Variants in CLSTN2 observed in about 807,000 individuals in gnomAD.
CLSTN2 encodes the protein calsyntenin-2.
A neutral mutation model predicts 101.2 loss-of-function variants in CLSTN2; 48 were observed. That is an observed-to-expected ratio of 0.47 (90% CI 0.38 to 0.60). The LOEUF (loss-of-function observed/expected upper bound fraction) is 0.60, where lower values mean the gene tolerates loss of function less well. Among genes scored for constraint, CLSTN2 ranks in the 20% least tolerant of loss-of-function variants. CLSTN2 has a pLI of 0.00. For synonymous variants in CLSTN2, 481 were observed against 463.6 expected (o/e 1.04, Z -0.48); for missense variants, 1,160 against 1,238.2 (o/e 0.94, Z 0.95).
intron 2 of CLSTN2, among the ~76,000 whole-genome samples, chr3:140,272,709 G>A (rs2086754472): frequency 6.6e-6 from 1 of 152,162 alleles, no homozygotes; most frequent in Non-Finnish European, 1.5e-5. Context: ...CCGAGTTTGT[G>A]CCACTGCTCT....
intron 1 of CLSTN2, among the ~76,000 whole-genome samples, chr3:140,095,259 C>T (rs894036634): frequency 2.0e-5 from 3 of 151,666 alleles, no homozygotes; most frequent in African/African-American, 7.3e-5. Context: ...TAACTCATAA[C>T]ATTGACTTTT....
At chr3:140,031,409 G>T (rs865971329) in intron 1 of CLSTN2, among the ~76,000 whole-genome samples, 17 of 152,184 alleles carry the variant, frequency 1.1e-4, no homozygotes, top group South Asian at 2.1e-4. Context: ...AGTGTCCCAG[G>T]GAGGCATCCT....
intron 12 of CLSTN2, among the ~76,000 whole-genome samples, chr3:140,561,437 A>G (rs1479610638): frequency 6.6e-6 from 1 of 152,228 alleles, no homozygotes; most frequent in East Asian, 1.9e-4. Flanking sequence ...GAGTCATACA[A>G]TTAGGCAAGG....
rs543993528 is a variant in CLSTN2, at chr3:140,562,537, C to T, written c.2212+229C>T. Among the ~76,000 whole-genome samples, 4 of 152,276 alleles carry T rather than the reference C, an allele frequency of 2.6e-5. No individual in the cohort carries two copies. The South Asian group carries it at 8.3e-4, about 32-fold the overall frequency. On this transcript the variant is annotated intron_variant, in intron 13 of 16. Transcript: ENST00000458420. ...CTCCTGGGGAGTTCTTTTGTAGAAGCTAGGTGGATGCCTTCTCTTACAATG... is the reference window on the plus strand; with the variant it reads ...CTCCTGGGGAGTTCTTTTGTAGAAGTTAGGTGGATGCCTTCTCTTACAATG...
intron 1 of CLSTN2, among the ~76,000 whole-genome samples, chr3:140,083,794 C>T (rs1254805572): frequency 1.3e-5 from 2 of 152,186 alleles, no homozygotes; most frequent in Non-Finnish European, 2.9e-5. Context: ...GCCCATGGGA[C>T]ATCTGTGGGC....
At chr3:140,236,262 A>C (rs2086415820) in intron 2 of CLSTN2, among the ~76,000 whole-genome samples, 2 of 152,096 alleles carry the variant, frequency 1.3e-5, no homozygotes, top group African/African-American at 4.8e-5. Flanking sequence ...CCTAAGAGTT[A>C]ATTTCTATTT....
intron 2 of CLSTN2, among the ~76,000 whole-genome samples, chr3:140,388,454 T>A (rs1035222421): frequency 2.6e-5 from 4 of 152,244 alleles, no homozygotes; most frequent in Non-Finnish European, 5.9e-5. Context: ...TATTTTTGCA[T>A]CTGAGCCTGT....
intron 1 of CLSTN2, among the ~76,000 whole-genome samples, chr3:140,114,662 A>G (rs1052884086): frequency 1.3e-5 from 2 of 152,174 alleles, no homozygotes; most frequent in Admixed American, 6.5e-5. Flanking sequence ...ATCCAGATAT[A>G]TTGGCTACTA....
At chr3:140,149,321 CA>C (rs1167053276) in intron 1 of CLSTN2, among the ~76,000 whole-genome samples, 2 of 152,194 alleles carry the variant, frequency 1.3e-5, no homozygotes, top group Admixed American at 1.3e-4. Flanking sequence ...TGTCAGATAA[CA>C]GGCTGGAACC....
intron 1 of CLSTN2, among the ~76,000 whole-genome samples, chr3:139,999,097 G>C (rs2006760844): frequency 6.6e-6 from 1 of 152,154 alleles, no homozygotes; most frequent in Non-Finnish European, 1.5e-5. Context: ...CCTTTGGAGA[G>C]GGGCTGCCTT....
intron 8 of CLSTN2, among the ~76,000 whole-genome samples, chr3:140,484,995 G>A (rs1934206595): frequency 6.6e-6 from 1 of 152,136 alleles, no homozygotes; most frequent in Admixed American, 6.5e-5. Flanking sequence ...TTGTTCCATT[G>A]CTGGTGAGGA....
At chr3:140,270,495 A>C (rs1452344363) in intron 2 of CLSTN2, among the ~76,000 whole-genome samples, 1 of 152,158 alleles carries the variant, frequency 6.6e-6, no homozygotes, top group Non-Finnish European at 1.5e-5. Flanking sequence ...AGCCTGAAAC[A>C]AGCTAAGAAT....
At chr3:140,080,385 A>C (rs561482434) in intron 1 of CLSTN2, among the ~76,000 whole-genome samples, 2 of 152,320 alleles carry the variant, frequency 1.3e-5, no homozygotes, top group South Asian at 4.1e-4. Context: ...GACTGGACGT[A>C]GTAGGTGCCT....
chr3:140,545,372 T>C (rs1385923014), intron 9 of CLSTN2, among the ~76,000 whole-genome samples: 1 of 151,850 alleles, frequency 6.6e-6, no homozygotes, highest in Non-Finnish European at 1.5e-5. Flanking sequence ...GAGCCAGGCA[T>C]TGGGGAAGCT....
chr3:140,234,818 T>C (rs1283280424), intron 2 of CLSTN2, among the ~76,000 whole-genome samples: 2 of 152,206 alleles, frequency 1.3e-5, no homozygotes, highest in Non-Finnish European at 2.9e-5. Context: ...CTGGTTGTTC[T>C]TGCACCATTG....
At chr3:140,362,599 ACT>A (rs898589502) in intron 2 of CLSTN2, among the ~76,000 whole-genome samples, 2 of 152,164 alleles carry the variant, frequency 1.3e-5, no homozygotes, top group African/African-American at 4.8e-5. Context: ...TATATAAATA[ACT>A]CTTACAATTT....
At chr3:140,062,595 A>G (rs2008226001) in intron 1 of CLSTN2, among the ~76,000 whole-genome samples, 1 of 152,190 alleles carries the variant, frequency 6.6e-6, no homozygotes, top group Non-Finnish European at 1.5e-5. Flanking sequence ...GACTGCATAG[A>G]TAGCTTTTTA....
chr3:140,165,312 T>C (rs1299082360), intron 1 of CLSTN2, among the ~76,000 whole-genome samples: 3 of 152,142 alleles, frequency 2.0e-5, no homozygotes, highest in African/African-American at 7.2e-5. Flanking sequence ...TGCTCTTTGC[T>C]TCAGGTATTG....
At chr3:140,087,577 T>C (rs573095059) in intron 1 of CLSTN2, among the ~76,000 whole-genome samples, 2 of 152,300 alleles carry the variant, frequency 1.3e-5, no homozygotes, top group Admixed American at 6.5e-5. Flanking sequence ...GCTAGATTGT[T>C]GTGCTGTGGA....
Sources: allele counts gnomAD v4.1 joint callset (sites outside exome capture counted in the v4.1 genomes callset), GRCh38; gene constraint gnomAD v4.1.1; transcripts MANE v1.5; gene names NCBI Gene and HGNC (gene_info 2026-07-23, HGNC 2026-07-21).